BCO2: variants seen among roughly 807,000 people sequenced by gnomAD.
BCO2 encodes beta-carotene oxygenase 2, also known as carotenoid-cleaving dioxygenase, mitochondrial.
In BCO2, 56 loss-of-function variants were observed where a neutral mutation model predicts 65.8. That is an observed-to-expected ratio of 0.85 (90% confidence interval 0.69 to 1.06). BCO2 has a LOEUF of 1.06. BCO2 is among the 50% of genes least tolerant of loss of function. The pLI, the probability that BCO2 is intolerant of heterozygous loss-of-function variation, is 0.00. For synonymous variants in BCO2, 233 were observed against 242.3 expected (o/e 0.96, Z 0.36); for missense variants, 675 against 698.5 (o/e 0.97, Z 0.38).
intron 1 of BCO2, 76 bp from the exon 2 acceptor site, chr11:112,179,202 A>T (rs1866961308): frequency 3.6e-6 from 5 of 1,373,864 alleles, no homozygotes; most frequent in Middle Eastern, 1.8e-4. Context: ...TGATAAGATT[A>T]TTGTCTGTGG....
chr11:112,179,411 A>G lies in BCO2; in HGVS notation c.222A>G (p.Gly74=). ...APRGISARVW[G]HFPKWLNGSL... ...GGGGCATCTCTGCTCGAGTCTGGGGACATTTTCCTAAGTGGCTCAATGGCT... is the reference window on the plus strand; with the variant it reads ...GGGGCATCTCTGCTCGAGTCTGGGGGCATTTTCCTAAGTGGCTCAATGGCT... The change falls in exon 2 of 12, where the codon GGA becomes GGG. Residue 74 remains glycine, a synonymous_variant. Coordinates refer to ENST00000357685, the MANE Select transcript of BCO2 (RefSeq NM_031938.7). 6.2e-7 allele frequency: 1 copy of G among 1,614,158 alleles called. No individual in the cohort carries two copies. The highest frequency in any genetic ancestry group is 8.5e-7 in the Non-Finnish European group (1 of 1,180,036).
intron 10 of BCO2, chr11:112,215,996 A>G (rs1260215152): frequency 8.1e-6 from 4 of 492,884 alleles, no homozygotes; most frequent in Non-Finnish European, 1.5e-5. Flanking sequence ...ACTTGTCACC[A>G]AGGGGATGGT....
At chr11:112,187,333 G>A (rs570225741) in intron 2 of BCO2, among the ~76,000 whole-genome samples, 1 of 152,002 alleles carries the variant, frequency 6.6e-6, no homozygotes, top group Admixed American at 6.6e-5. Context: ...TCCTAGATTA[G>A]CCCATCCTTG....
rs1471206304 is a variant in BCO2, at chr11:112,191,468, A to G, written c.294-2006A>G. Among the ~76,000 whole-genome samples, 12 of 152,306 alleles carry G rather than the reference A, an allele frequency of 7.9e-5. No individual in the cohort carries two copies. In the East Asian group the frequency reaches 1.5e-3, roughly 20 times the overall value. ...GCAAACTTTAAAACACCCTTGGAAGACAAATTCAAACAAATGTAAAGACCA... is the reference window on the plus strand; with the variant it reads ...GCAAACTTTAAAACACCCTTGGAAGGCAAATTCAAACAAATGTAAAGACCA... On this transcript the variant is annotated intron_variant, in intron 2 of 11. Coordinates refer to ENST00000357685, the MANE Select transcript of BCO2 (RefSeq NM_031938.7).
intron 11 of BCO2, among the ~76,000 whole-genome samples, chr11:112,216,749 GAACTGACCTCC>G (rs1209640090): frequency 1.3e-5 from 2 of 152,196 alleles, no homozygotes; most frequent in African/African-American, 4.8e-5. Context: ...CAATTTCAAT[GAACTGACCTCC>G]AAGTCCAATG....
intron 5 of BCO2, among the ~76,000 whole-genome samples, chr11:112,195,819 T>G (rs970020817): frequency 6.6e-6 from 1 of 152,232 alleles, no homozygotes. Context: ...TAATCTGGAA[T>G]GTAGATAGAA....
At chr11:112,213,669 G>C in intron 8 of BCO2, 55 bp from the exon 9 acceptor site, 1 of 1,531,480 alleles carries the variant, frequency 6.5e-7, no homozygotes, top group Non-Finnish European at 9.0e-7. Context: ...AAATTATTGG[G>C]ACATACTGTT....
At position 112,175,553 on chromosome 11, in the gene BCO2, C is replaced by T. The variant is rs767456599; in HGVS notation, c.-49C>T. On this transcript the variant is annotated 5_prime_UTR_variant, in exon 1 of 12. Coordinates refer to ENST00000357685, the MANE Select transcript of BCO2 (RefSeq NM_031938.7). ...GTTCACTGTTTAGTAGTACTCAAAA[C>T]TGCCAGTGTGAGAGGATTTGGAAAT... 2 of 1,396,076 alleles carry T rather than the reference C, an allele frequency of 1.4e-6. No individual in the cohort carries two copies. The highest frequency in any genetic ancestry group is 2.0e-6 in the Non-Finnish European group (2 of 982,124). The allele number at this position is 1,396,076 out of a possible 1,614,324, so 86.5% of individuals were successfully genotyped here. A position where few individuals can be genotyped will look rare whatever the true frequency, so the allele number is the denominator to read the frequency against.
At chr11:112,210,813 T>C (rs963524604) in intron 8 of BCO2, among the ~76,000 whole-genome samples, 1 of 151,786 alleles carries the variant, frequency 6.6e-6, no homozygotes, top group Admixed American at 6.6e-5. Flanking sequence ...ATAAGGTTGG[T>C]GGATTGTATC....
At chr11:112,198,201 TA>T (rs1867632961) in intron 5 of BCO2, among the ~76,000 whole-genome samples, 1 of 152,096 alleles carries the variant, frequency 6.6e-6, no homozygotes, top group South Asian at 2.1e-4. Flanking sequence ...CTCACACCTG[TA>T]ATCACAGCAC....
chr11:112,204,835 T>C (rs1440410279), intron 8 of BCO2, among the ~76,000 whole-genome samples: 1 of 151,978 alleles, frequency 6.6e-6, no homozygotes, highest in African/African-American at 2.4e-5. Context: ...ACCATGCCCG[T>C]TGTATTTTTA....
chr11:112,204,134 G>C (rs945986922), intron 8 of BCO2, among the ~76,000 whole-genome samples: 1 of 152,080 alleles, frequency 6.6e-6, no homozygotes, highest in Non-Finnish European at 1.5e-5. Context: ...GATTACAGGC[G>C]TGAGCCACAG....
At chr11:112,185,615 C>A (rs1344830623) in intron 2 of BCO2, among the ~76,000 whole-genome samples, 2 of 152,108 alleles carry the variant, frequency 1.3e-5, no homozygotes, top group Admixed American at 6.5e-5. Flanking sequence ...TAAACAATTA[C>A]AGTTATATGT....
intron 2 of BCO2, chr11:112,180,864 C>G: frequency 6.5e-6 from 7 of 1,072,602 alleles, no homozygotes; most frequent in Non-Finnish European, 1.0e-5. Context: ...CTTTCTGTGG[C>G]CAGCAGTAAA....
chr11:112,195,103 T>C (rs1013517286), intron 5 of BCO2, among the ~76,000 whole-genome samples: 7 of 152,162 alleles, frequency 4.6e-5, no homozygotes, highest in Non-Finnish European at 8.8e-5. Flanking sequence ...AACTCATTCA[T>C]AATATGACAA....
intron 2 of BCO2, among the ~76,000 whole-genome samples, chr11:112,190,856 CAAAAAAAAAAA>C (rs945768260): frequency 1.6e-5 from 1 of 62,306 alleles, no homozygotes; most frequent in African/African-American, 5.7e-5. Context: ...GACTCTGTCT[CAAAAAAAAAAA>C]AAAAAAAAGA....
chr11:112,214,308 G>A (rs371585675), intron 9 of BCO2, among the ~76,000 whole-genome samples: 15 of 152,070 alleles, frequency 9.9e-5, no homozygotes, highest in African/African-American at 3.1e-4. Flanking sequence ...CACCACGCCC[G>A]GCTAATGTAT....
chr11:112,210,943 G>GTA (rs904050806), intron 8 of BCO2, among the ~76,000 whole-genome samples: 7 of 151,782 alleles, frequency 4.6e-5, no homozygotes, highest in African/African-American at 7.3e-5. Flanking sequence ...GGTGTAGAAA[G>GTA]TATATATATA....
chr11:112,212,504 TACTCATG>T (rs1168388075), intron 8 of BCO2, among the ~76,000 whole-genome samples: 1 of 152,212 alleles, frequency 6.6e-6, no homozygotes. Flanking sequence ...TATATAGTCA[TACTCATG>T]ACTCATGATT....
Sources: gnomAD v4.1 joint callset for allele counts (sites outside exome capture counted in the v4.1 genomes callset) on GRCh38, gnomAD v4.1.1 for gene constraint, MANE v1.5 for transcripts, NCBI Gene and HGNC (gene_info 2026-07-23, HGNC 2026-07-21) for gene names.